The following ZNF385D variants were observed in gnomAD, a reference collection of about 807,000 sequenced individuals.
ZNF385D encodes the protein zinc finger protein 659.
ZNF385D carries 15 observed loss-of-function variants against 35.8 expected under a neutral mutation model. The observed-to-expected ratio is 0.42, with a 90% CI of 0.28 to 0.64. The LOEUF (loss-of-function observed/expected upper bound fraction) is 0.64. ZNF385D is among the 30% of genes least tolerant of loss of function. The pLI, the probability that ZNF385D is intolerant of heterozygous loss-of-function variation, is 0.23. For missense variants in ZNF385D, 474 were observed against 494.6 expected, an observed-to-expected ratio of 0.96 and a Z score of 0.39; for synonymous variants, 212 against 186.8, an observed-to-expected ratio of 1.13 and a Z score of -1.10.
At chr3:22,351,705 C>T (rs1270342754) in intron 2 of ZNF385D, among the ~76,000 whole-genome samples, 3 of 152,108 alleles carry the variant, frequency 2.0e-5, no homozygotes, top group African/African-American at 7.2e-5. Flanking sequence ...ATACATATCA[C>T]AAAGCACATT....
chr3:21,779,495 T>A (rs868454253), intron 3 of ZNF385D, among the ~76,000 whole-genome samples: 1 of 152,122 alleles, frequency 6.6e-6, no homozygotes. Context: ...ATATTTTGGA[T>A]GTAATAAAAA....
chr3:22,104,127 G>T (rs1046094368), intron 3 of ZNF385D, among the ~76,000 whole-genome samples: 2 of 151,946 alleles, frequency 1.3e-5, no homozygotes, highest in Non-Finnish European at 2.9e-5. Context: ...ATTCAAGTTG[G>T]AGACAAATTG....
At chr3:21,592,436 G>T (rs745860680) in intron 2 of ZNF385D, among the ~76,000 whole-genome samples, 14 of 151,328 alleles carry the variant, frequency 9.3e-5, no homozygotes, top group Non-Finnish European at 1.6e-4. Context: ...GCTACAGATG[G>T]CAATATATTG....
intron 2 of ZNF385D, among the ~76,000 whole-genome samples, chr3:22,214,802 T>C (rs141074768): frequency 1.5e-3 from 229 of 152,178 alleles, no homozygotes; most frequent in African/African-American, 5.2e-3. Flanking sequence ...CAAAACTTCA[T>C]TAGCAATTTT....
chr3:22,281,588 C>T (rs760217427), intron 2 of ZNF385D, among the ~76,000 whole-genome samples: 4 of 152,024 alleles, frequency 2.6e-5, no homozygotes, highest in Non-Finnish European at 4.4e-5. Flanking sequence ...TGTATGAAAT[C>T]CACTTGATCA....
intron 3 of ZNF385D, among the ~76,000 whole-genome samples, chr3:22,152,164 T>G (rs1407096763): frequency 2.0e-5 from 3 of 152,170 alleles, no homozygotes; most frequent in Non-Finnish European, 2.9e-5. Context: ...TCCACCCATG[T>G]TCTTGCAAAT....
chr3:21,808,573 C>T lies in ZNF385D; in HGVS notation c.326-143545G>A, dbSNP rs1248619823. Among the ~76,000 whole-genome samples, 8 of 152,168 alleles carry T rather than the reference C, an allele frequency of 5.3e-5. 1 individual carries two copies. Among genetic ancestry groups the T allele is most frequent in the Non-Finnish European group, 1.0e-4 (7 of 68,018 alleles). On this transcript the variant is annotated intron_variant, in intron 3 of 5. Coordinates refer to the ZNF385D transcript ENST00000494108. ...CCTTGCAAGTGCTTGTGCCTCCTCT[C>T]CTTTGTGCCAGTGCTGTGGCCATAG...
At chr3:22,039,122 A>C (rs1698509637) in intron 3 of ZNF385D, among the ~76,000 whole-genome samples, 1 of 151,862 alleles carries the variant, frequency 6.6e-6, no homozygotes, top group South Asian at 2.1e-4. Context: ...CAGAAGTGGA[A>C]GCATATAGCA....
chr3:21,889,553 T>G (rs2125879170), intron 3 of ZNF385D, among the ~76,000 whole-genome samples: 1 of 152,164 alleles, frequency 6.6e-6, no homozygotes, highest in African/African-American at 2.4e-5. Context: ...TTATATTAAT[T>G]AGAATCAAAT....
intron 4 of ZNF385D, among the ~76,000 whole-genome samples, chr3:21,496,793 CA>C (rs1299000922): frequency 6.6e-6 from 1 of 151,652 alleles, no homozygotes; most frequent in Non-Finnish European, 1.5e-5. Flanking sequence ...AGAACAAAGA[CA>C]AAACTGCATG....
At chr3:21,552,101 T>G (rs1332130255) in intron 3 of ZNF385D, among the ~76,000 whole-genome samples, 6 of 152,180 alleles carry the variant, frequency 3.9e-5, no homozygotes, top group African/African-American at 1.4e-4. Flanking sequence ...TACAATGTTA[T>G]TTTTCTAGAA....
At chr3:21,596,977 G>T (rs2064145402) in intron 2 of ZNF385D, among the ~76,000 whole-genome samples, 1 of 151,968 alleles carries the variant, frequency 6.6e-6, no homozygotes, top group Non-Finnish European at 1.5e-5. Context: ...GCATCTGTCT[G>T]CTAATTCACT....
chr3:21,420,476 C>T lies in ZNF385D; in HGVS notation c.*738G>A, dbSNP rs1215867455. ...AAGAAATCACCTTTATTAATGCCTC[C>T]CCCATCTCTAAGCTTAGCCCTGTTA... On this transcript the variant is annotated 3_prime_UTR_variant, in exon 8 of 8. Coordinates refer to ENST00000281523, the MANE Select transcript of ZNF385D (RefSeq NM_024697.3). 1 of 152,146 alleles carries T rather than the reference C, an allele frequency of 6.6e-6. No homozygotes were observed. The highest frequency in any genetic ancestry group is 1.5e-5 in the Non-Finnish European group (1 of 68,034). 9.4% of individuals were successfully genotyped at this position (152,146 alleles called of 1,614,324 possible). A position where few individuals can be genotyped will look rare whatever the true frequency, so the allele number is the denominator to read the frequency against.
intron 2 of ZNF385D, among the ~76,000 whole-genome samples, chr3:21,597,252 A>G (rs2064152626): frequency 6.6e-6 from 1 of 152,094 alleles, no homozygotes; most frequent in Non-Finnish European, 1.5e-5. Context: ...TTCAAGTAGT[A>G]TTATCATGTG....
At chr3:21,760,918 T>C (rs946757305) in intron 3 of ZNF385D, among the ~76,000 whole-genome samples, 1 of 152,202 alleles carries the variant, frequency 6.6e-6, no homozygotes, top group Non-Finnish European at 1.5e-5. Context: ...ATGTTATCCA[T>C]AGTTTAGGGC....
chr3:22,013,164 G>C (rs1696680139), intron 3 of ZNF385D, among the ~76,000 whole-genome samples: 2 of 152,066 alleles, frequency 1.3e-5, no homozygotes, highest in African/African-American at 2.4e-5. Flanking sequence ...CTATAAAAAT[G>C]TGTTAAAACT....
At chr3:22,219,272 T>A (rs1304133555) in intron 2 of ZNF385D, among the ~76,000 whole-genome samples, 4 of 152,128 alleles carry the variant, frequency 2.6e-5, no homozygotes, top group African/African-American at 7.2e-5. Context: ...CTAGTCTTTT[T>A]TTCATATTTC....
At chr3:21,514,264 C>T (rs1707418078) in intron 3 of ZNF385D, among the ~76,000 whole-genome samples, 3 of 152,246 alleles carry the variant, frequency 2.0e-5, no homozygotes, top group African/African-American at 7.2e-5. Flanking sequence ...TTATTTTTCA[C>T]AGATATGACT....
Position 21,590,404 on chromosome 3 carries a change from G to A in ZNF385D, c.166-25720C>T, listed in dbSNP as rs146970134. ...GTTTAATTTTTTAAGTTGGGTACGA[G>A]GTACATGTAGTTTATATTACATTAT... On this transcript the variant is annotated intron_variant, in intron 2 of 7. Transcript: ENST00000281523. 2.0e-3 allele frequency among the ~76,000 whole-genome samples: 305 copies of A among 152,056 alleles called. 4 individuals carry two copies. The highest frequency in any genetic ancestry group is 0.015 in the Admixed American group (222 of 15,256).
Sources: allele counts gnomAD v4.1 joint callset (sites outside exome capture counted in the v4.1 genomes callset), GRCh38; gene constraint gnomAD v4.1.1; transcripts MANE v1.5; gene names NCBI Gene and HGNC (gene_info 2026-07-23, HGNC 2026-07-21).